Variants in SYCP2 observed in about 807,000 individuals in gnomAD.
SYCP2 encodes the protein synaptonemal complex protein 2, also known as synaptonemal complex lateral element protein.
A neutral mutation model predicts 211.3 loss-of-function variants in SYCP2; 55 were observed. The ratio of observed to expected loss-of-function variants is 0.26; its 90% CI spans 0.21 to 0.33. The LOEUF (loss-of-function observed/expected upper bound fraction) is 0.33. SYCP2 is among the 10% of genes least tolerant of loss of function. SYCP2 has a pLI of 1.00. For synonymous variants in SYCP2, 570 were observed against 555.2 expected (o/e 1.03, Z -0.37); for missense variants, 1,731 against 1,752.0 (o/e 0.99, Z 0.21).
chr20:59,879,814 TATAAATAA>T (rs869104359), intron 31 of SYCP2, among the ~76,000 whole-genome samples: 7 of 31,634 alleles, frequency 2.2e-4, no homozygotes, highest in African/African-American at 1.5e-3. Context: ...ATTTAGTAAA[TATAAATAA>T]ATATATATAT....
rs2059333872 is a variant in SYCP2 at position 59,866,375 on chromosome 20, T to G, written c.4238A>C (p.Lys1413Thr). The G allele has an allele frequency of 1.3e-6, 2 of 1,591,476 alleles. No individual in the cohort carries two copies. Among genetic ancestry groups the G allele is most frequent in the East Asian group, 4.5e-5 (2 of 44,602 alleles). ...CTCCTCTATGATAATGAATTGGAAT[T>G]TATCAAGTTTTTTAATCCTATTACA... ...SQDSRIKKLD[K>T]FQFIIIEELE... is the part of the protein sequence containing the mutation. Residue 1413 changes from lysine (K) to threonine (T), a missense_variant, in exon 41 of 45, where the codon AAA (lysine) becomes ACA (threonine). This residue lies in a region of SYCP2 where 1,387 missense variants were observed against 1,351.3 expected (regional missense o/e 1.03). Coordinates refer to ENST00000357552, the MANE Select transcript of SYCP2 (RefSeq NM_014258.4).
intron 35 of SYCP2, among the ~76,000 whole-genome samples, chr20:59,872,265 G>A (rs1334382910): frequency 1.3e-5 from 2 of 151,910 alleles, no homozygotes; most frequent in Non-Finnish European, 2.9e-5. Context: ...ACAATTCTGT[G>A]TGGTGCCATG....
At chr20:59,880,613 A>G in intron 30 of SYCP2, 142 bp from the exon 31 acceptor site, 1 of 569,422 alleles carries the variant, frequency 1.8e-6, no homozygotes, top group South Asian at 2.7e-5. Context: ...TTAACATCCT[A>G]ATTTAGGATG....
chr20:59,907,316 C>T, intron 15 of SYCP2, 48 bp downstream of exon 15: 3 of 1,202,680 alleles, frequency 2.5e-6, no homozygotes, highest in Middle Eastern at 2.2e-4. Flanking sequence ...ACATTTGTTC[C>T]ATATGGTAAG....
intron 26 of SYCP2, among the ~76,000 whole-genome samples, 166 bp downstream of exon 26, chr20:59,885,762 G>C (rs535381849): frequency 6.6e-6 from 1 of 152,080 alleles, no homozygotes; most frequent in Non-Finnish European, 1.5e-5. Context: ...AGGTTGGAGG[G>C]CTATTTTGAG....
At chr20:59,915,312 G>T in intron 9 of SYCP2, 113 bp from the exon 10 acceptor site, 2 of 1,019,562 alleles carry the variant, frequency 2.0e-6, no homozygotes, top group South Asian at 1.5e-5. Flanking sequence ...TAATATCATC[G>T]ACTTTTGCAG....
At chr20:59,900,854 T>C in intron 16 of SYCP2, 36 bp from the exon 17 acceptor site, 1 of 1,357,988 alleles carries the variant, frequency 7.4e-7, no homozygotes, top group Non-Finnish European at 1.0e-6. Context: ...TGACATTTTC[T>C]TCATTTTCTT....
rs2059950068 is a variant in SYCP2, at chr20:59,893,526, A to C, written c.1733T>G (p.Phe578Cys). The C allele has an allele frequency of 6.2e-7, 1 of 1,602,594 alleles. No homozygotes were observed. Among genetic ancestry groups the C allele is most frequent in the Non-Finnish European group, 8.5e-7 (1 of 1,171,828 alleles). ...NKNVEFPNQN[F>C]SELQDVIPDS... ...AAATTAAACCACAAGGTACTTACTAAAATTTTGGTTTGGGAATTCAACATT... is the reference window on the plus strand; with the variant it reads ...AAATTAAACCACAAGGTACTTACTACAATTTTGGTTTGGGAATTCAACATT... Residue 578 changes from phenylalanine (F) to cysteine (C), a missense_variant and splice_region_variant, in exon 21 of 45, where the codon TTT (phenylalanine) becomes TGT (cysteine). Phe to Cys is a radical substitution (Grantham distance 205). Around this residue, in one of 3 missense-constraint regions of SYCP2, gnomAD observed 1,387 missense variants for 1,351.3 expected, o/e 1.03. Coordinates refer to ENST00000357552, the MANE Select transcript of SYCP2 (RefSeq NM_014258.4).
At chr20:59,896,085 G>A (rs2060002182) in intron 19 of SYCP2, among the ~76,000 whole-genome samples, 1 of 152,102 alleles carries the variant, frequency 6.6e-6, no homozygotes, top group South Asian at 2.1e-4. Flanking sequence ...AAAAAAACTG[G>A]TTCTAAATTT....
At chr20:59,891,366 G>T (rs567661597) in intron 24 of SYCP2, among the ~76,000 whole-genome samples, 1 of 152,020 alleles carries the variant, frequency 6.6e-6, no homozygotes, top group Admixed American at 6.6e-5. Flanking sequence ...TTTCTTCCCT[G>T]GAAGTCTGGT....
At chr20:59,868,974 A>G (rs569867075) in intron 36 of SYCP2, 49 bp from the exon 37 acceptor site, 3 of 1,380,500 alleles carry the variant, frequency 2.2e-6, no homozygotes, top group East Asian at 2.4e-5. Flanking sequence ...ATATATTTCA[A>G]TTCACATTTT....
chr20:59,864,207 G>A lies in SYCP2; in HGVS notation c.*104C>T. On this transcript the variant is annotated 3_prime_UTR_variant, in exon 45 of 45. Transcript: ENST00000357552. ...GAGGGTTCCTATAAAGGGTACACTTGCTTCGGTGACATGTATATTTTTCTC... is the reference window on the plus strand; with the variant it reads ...GAGGGTTCCTATAAAGGGTACACTTACTTCGGTGACATGTATATTTTTCTC... 1 of 791,714 alleles carries A rather than the reference G, an allele frequency of 1.3e-6. No homozygotes were observed. The allele number at this position is 791,714 out of a possible 1,614,324, so 49.0% of individuals were successfully genotyped here. A position where few individuals can be genotyped will look rare whatever the true frequency, so the allele number is the denominator to read the frequency against.
At chr20:59,912,123 C>G (rs2060343252) in intron 13 of SYCP2, 5 of 412,412 alleles carry the variant, frequency 1.2e-5, no homozygotes, top group Admixed American at 4.6e-5. Context: ...CATGATAAAT[C>G]AATAATGGTC....
In SYCP2 at chr20:59,911,782, T is replaced by A. The variant is rs567124256; in HGVS notation, c.940A>T (p.Thr314Ser). 1.7e-4 allele frequency: 269 copies of A among 1,590,744 alleles called. 1 individual carries two copies. The South Asian group carries it at 2.9e-3, about 17-fold the overall frequency. ...FWIDFNLGSQ[T>S]LSFYIAGDND... ...TCTCCAGCAATGTAGAATGAGAGAG[T>A]CTGACTCCCAAGATTAAAATCAATC... The change falls in exon 14 of 45, where the codon ACT (threonine) becomes TCT (serine). Residue 314 changes from threonine (T) to serine (S), a missense_variant. Physicochemically the swap from Thr to Ser is moderately conservative, Grantham distance 58. Coordinates refer to ENST00000357552, the MANE Select transcript of SYCP2 (RefSeq NM_014258.4).
chr20:59,877,592 T>C (rs773438614), intron 32 of SYCP2, 37 bp from the exon 33 acceptor site: 1 of 1,534,266 alleles, frequency 6.5e-7, no homozygotes. Context: ...AGATCAATAT[T>C]TGAGGTACAA....
chr20:59,877,188 G>A (rs866172291), intron 33 of SYCP2, among the ~76,000 whole-genome samples, 197 bp downstream of exon 33: 1 of 151,882 alleles, frequency 6.6e-6, no homozygotes, highest in Non-Finnish European at 1.5e-5. Flanking sequence ...CATCTGTTTT[G>A]TAAAAAAAAT....
intron 31 of SYCP2, among the ~76,000 whole-genome samples, chr20:59,879,318 GCTGCTTT>G (rs745916120): frequency 0.012 from 1,801 of 151,792 alleles, 127 homozygotes; most frequent in Admixed American, 0.099. Flanking sequence ...TGATAATCCT[GCTGCTTT>G]ACTTCCTCAT....
chr20:59,886,029 T>C, intron 25 of SYCP2, 65 bp from the exon 26 acceptor site: 1 of 1,219,006 alleles, frequency 8.2e-7, no homozygotes. Context: ...AAAGTCATTT[T>C]AAGATAAACC....
chr20:59,931,970 T>A (rs928316767), intron 2 of SYCP2, 92 bp downstream of exon 2: 1 of 152,096 alleles, frequency 6.6e-6, no homozygotes, highest in African/African-American at 2.4e-5. Flanking sequence ...AGGAAACAAT[T>A]TAAAAGATCT....
Sources: allele counts gnomAD v4.1 joint callset (sites outside exome capture counted in the v4.1 genomes callset), GRCh38; gene constraint gnomAD v4.1.1; regional missense constraint gnomAD v4.1.1; transcripts MANE v1.5; gene names NCBI Gene and HGNC (gene_info 2026-07-23, HGNC 2026-07-21).